The following CNTNAP2 variants were observed in gnomAD, a reference collection of about 807,000 sequenced individuals.
The protein encoded by CNTNAP2 is contactin-associated protein-like 2.
In CNTNAP2, 98 loss-of-function variants were observed where a neutral mutation model predicts 155.2. The ratio of observed to expected loss-of-function variants is 0.63; its 90% CI spans 0.54 to 0.75. The LOEUF is 0.75. CNTNAP2 is among the 30% of genes least tolerant of loss of function. The probability of loss-of-function intolerance (pLI) is 0.00; values close to 1 mark genes in which losing one functional copy is unlikely to be tolerated. For missense variants in CNTNAP2, 1,727 were observed against 1,688.1 expected (o/e 1.02, Z -0.40); for synonymous variants, 651 against 631.2 (o/e 1.03, Z -0.47).
intron 19 of CNTNAP2, among the ~76,000 whole-genome samples, chr7:148,226,428 G>C (rs1235560349): frequency 2.0e-5 from 3 of 151,900 alleles, no homozygotes; most frequent in Non-Finnish European, 2.9e-5. Context: ...TTGCTAAACT[G>C]TCTCTCTCTA....
At chr7:147,234,331 A>ATTTT (rs1170759781) in intron 8 of CNTNAP2, among the ~76,000 whole-genome samples, 11 of 80,082 alleles carry the variant, frequency 1.4e-4, no homozygotes, top group South Asian at 4.6e-4. Context: ...TCCCAAGAGT[A>ATTTT]TTCTTTTTTT....
chr7:147,496,692 T>G (rs934379076), intron 11 of CNTNAP2: 1 of 152,220 alleles, frequency 6.6e-6, no homozygotes, highest in African/African-American at 2.4e-5. Context: ...ATTTGTTTGC[T>G]AAACTCTATT....
At chr7:147,083,066 A>G (rs560031159) in intron 4 of CNTNAP2, 1 of 152,216 alleles carries the variant, frequency 6.6e-6, no homozygotes, top group South Asian at 2.1e-4. Flanking sequence ...TCACATCCCC[A>G]TGTTTCATCC....
intron 13 of CNTNAP2, among the ~76,000 whole-genome samples, chr7:147,782,821 AC>A (rs1403356589): frequency 6.6e-6 from 1 of 152,198 alleles, no homozygotes; most frequent in African/African-American, 2.4e-5. Flanking sequence ...TCAGCTATCT[AC>A]AATCAGGTTG....
intron 1 of CNTNAP2, among the ~76,000 whole-genome samples, chr7:146,541,300 C>T (rs530677998): frequency 6.6e-6 from 1 of 151,994 alleles, no homozygotes; most frequent in African/African-American, 2.4e-5. Context: ...TGTTGCTCTC[C>T]CTACTGAATA....
chr7:146,963,202 G>C (rs1230104180), intron 3 of CNTNAP2: 1 of 152,134 alleles, frequency 6.6e-6, no homozygotes, highest in African/African-American at 2.4e-5. Flanking sequence ...AAAAATGATC[G>C]ACAAAAGTTG....
chr7:147,537,238 A>G (rs77826904), intron 11 of CNTNAP2, among the ~76,000 whole-genome samples: 3,314 of 151,686 alleles, frequency 0.022, 118 homozygotes, highest in African/African-American at 0.076. Flanking sequence ...TGTTTTTCAA[A>G]TAAGTACATT....
At chr7:147,155,601 G>A (rs958622754) in intron 8 of CNTNAP2, among the ~76,000 whole-genome samples, 9 of 152,086 alleles carry the variant, frequency 5.9e-5, no homozygotes, top group Admixed American at 5.9e-4. Flanking sequence ...AATGGAAGAC[G>A]AGCCATTGGT....
chr7:148,142,705 C>G (rs1263188051), intron 16 of CNTNAP2, among the ~76,000 whole-genome samples: 2 of 152,170 alleles, frequency 1.3e-5, no homozygotes, highest in Non-Finnish European at 2.9e-5. Context: ...AAACTGTGGT[C>G]TAATATCTAA....
At chr7:146,448,144 A>G (rs1639467) in intron 1 of CNTNAP2, among the ~76,000 whole-genome samples, 5,420 of 152,136 alleles carry the variant, frequency 0.036, 339 homozygotes, top group African/African-American at 0.12. Flanking sequence ...TACATATTTA[A>G]TGATTGAGAA....
intron 3 of CNTNAP2, among the ~76,000 whole-genome samples, chr7:146,860,646 TA>T (rs1431671157): frequency 6.6e-6 from 1 of 152,180 alleles, no homozygotes; most frequent in Non-Finnish European, 1.5e-5. Flanking sequence ...AAAATTATTT[TA>T]AAAATTAATG....
chr7:147,231,895 T>C lies in CNTNAP2; in HGVS notation c.1349-68246T>C, dbSNP rs573190056. 3.9e-5 allele frequency among the ~76,000 whole-genome samples: 6 copies of C among 152,380 alleles called. 1 individual carries two copies. In the South Asian group the frequency reaches 1.0e-3, roughly 26 times the overall value. Reference sequence around the variant, plus strand: ...ATAGATTGCCTTTTTATTTTGTTAATTGATTTTTGTTTTTGTTTGTGATTT... The same window carrying C: ...ATAGATTGCCTTTTTATTTTGTTAACTGATTTTTGTTTTTGTTTGTGATTT... On this transcript the variant is annotated intron_variant, in intron 8 of 23. Transcript: ENST00000361727.
intron 20 of CNTNAP2, among the ~76,000 whole-genome samples, chr7:148,230,926 C>G (rs1339817144): frequency 6.6e-6 from 1 of 152,176 alleles, no homozygotes; most frequent in African/African-American, 2.4e-5. Flanking sequence ...AAGTTTTAGT[C>G]AGAAAAGCCA....
At chr7:147,503,967 T>C (rs1216020948) in intron 11 of CNTNAP2, among the ~76,000 whole-genome samples, 1 of 152,174 alleles carries the variant, frequency 6.6e-6, no homozygotes, top group Non-Finnish European at 1.5e-5. Context: ...CAAAATTGCA[T>C]GTAAGGAAGA....
rs575293200 is a variant in CNTNAP2, at chr7:146,220,721, C to T, written c.97+103748C>T. Among the ~76,000 whole-genome samples the T allele has an allele frequency of 2.1e-4, 32 of 151,996 alleles. No individual in the cohort carries two copies. The South Asian group carries it at 4.4e-3, about 21-fold the overall frequency. On this transcript the variant is annotated intron_variant, in intron 1 of 23. Transcript: ENST00000361727. ...GATTAATACTAATATAATTCTGTTA[C>T]ACAAAAACTTTTAAAACGTTATGAA... is the stretch of plus-strand genomic sequence containing the variant.
At chr7:147,714,706 T>C (rs1796456518) in intron 13 of CNTNAP2, among the ~76,000 whole-genome samples, 1 of 152,074 alleles carries the variant, frequency 6.6e-6, no homozygotes. Flanking sequence ...CGTGTGTGTG[T>C]ACTCATGTGT....
At chr7:146,210,872 C>A (rs1166461207) in intron 1 of CNTNAP2, among the ~76,000 whole-genome samples, 1 of 151,784 alleles carries the variant, frequency 6.6e-6, no homozygotes, top group African/African-American at 2.4e-5. Flanking sequence ...GTGTCTAACC[C>A]TGGACGGTCA....
intron 1 of CNTNAP2, among the ~76,000 whole-genome samples, chr7:146,763,045 A>G (rs1404864682): frequency 6.6e-6 from 1 of 151,944 alleles, no homozygotes; most frequent in Non-Finnish European, 1.5e-5. Flanking sequence ...TACAATTCAG[A>G]TGCGATTTGG....
intron 17 of CNTNAP2, among the ~76,000 whole-genome samples, chr7:148,157,967 G>C (rs1805436427): frequency 6.6e-6 from 1 of 152,036 alleles, no homozygotes; most frequent in South Asian, 2.1e-4. Context: ...TCACTACAAG[G>C]GTTACCAGCC....
Sources: gnomAD v4.1 joint callset for allele counts (sites outside exome capture counted in the v4.1 genomes callset) on GRCh38, gnomAD v4.1.1 for gene constraint, MANE v1.5 for transcripts, NCBI Gene and HGNC (gene_info 2026-07-23, HGNC 2026-07-21) for gene names.